MEOX2: variants seen among roughly 807,000 people sequenced by gnomAD.
MEOX2 encodes the protein mesenchyme homeobox 2.
A neutral mutation model predicts 27.0 loss-of-function variants in MEOX2; 11 were observed. The observed-to-expected ratio is 0.41, with a 90% CI of 0.26 to 0.68. The LOEUF (loss-of-function observed/expected upper bound fraction) is 0.68, where lower values mean the gene tolerates loss of function less well. Ranked by LOEUF, MEOX2 falls within the 30% of genes least tolerant of loss-of-function variation. The pLI is 0.33. For synonymous variants in MEOX2, 189 were observed against 155.4 expected (o/e 1.22, Z -1.61); for missense variants, 436 against 385.4 (o/e 1.13, Z -1.10).
intron 2 of MEOX2, among the ~76,000 whole-genome samples, chr7:15,615,858 G>A (rs1781116166): frequency 6.6e-6 from 1 of 151,914 alleles, no homozygotes; most frequent in African/African-American, 2.4e-5. Context: ...AGAAAAAGAG[G>A]AGAAATATAC....
Position 15,686,662 on chromosome 7 carries a change from G to A in MEOX2, c.-260C>T. ...TGGGAGAGGTTGAAGCCAAAAGAAG[G>A]TGGTCCCAGAGAACTGCTTTCAGGG... On this transcript the variant is annotated 5_prime_UTR_variant, in exon 1 of 3. Transcript: ENST00000262041. 2.0e-6 allele frequency: 1 copy of A among 501,348 alleles called. No homozygotes were observed. Among genetic ancestry groups the A allele is most frequent in the South Asian group, 3.5e-5 (1 of 28,852 alleles). The allele number at this position is 501,348 out of a possible 1,614,324, so 31.1% of individuals were successfully genotyped here. A position where few individuals can be genotyped will look rare whatever the true frequency, so the allele number is the denominator to read the frequency against.
intron 1 of MEOX2, among the ~76,000 whole-genome samples, chr7:15,631,260 G>T (rs1322858808): frequency 6.6e-6 from 1 of 151,636 alleles, no homozygotes; most frequent in South Asian, 2.1e-4. Flanking sequence ...TACCTGCTGA[G>T]CAGTGATTAT....
chr7:15,683,378 T>A (rs1782322862), intron 1 of MEOX2, among the ~76,000 whole-genome samples: 1 of 152,076 alleles, frequency 6.6e-6, no homozygotes, highest in Non-Finnish European at 1.5e-5. Context: ...CTATATAGGA[T>A]GACATTTTTA....
intron 1 of MEOX2, among the ~76,000 whole-genome samples, chr7:15,631,788 A>C (rs1358366889): frequency 6.6e-6 from 1 of 151,796 alleles, no homozygotes; most frequent in African/African-American, 2.4e-5. Context: ...TATAAAATCT[A>C]TATATTTTAC....
chr7:15,657,145 TTGAC>T (rs1182739317), intron 1 of MEOX2, among the ~76,000 whole-genome samples: 1 of 152,144 alleles, frequency 6.6e-6, no homozygotes, highest in Non-Finnish European at 1.5e-5. Flanking sequence ...TTTCAGAAGT[TTGAC>T]TGTGATGCGT....
intron 1 of MEOX2, among the ~76,000 whole-genome samples, chr7:15,678,593 A>G (rs1307845100): frequency 6.6e-6 from 1 of 152,232 alleles, no homozygotes; most frequent in Admixed American, 6.5e-5. Flanking sequence ...TGGGTGGCTA[A>G]GAATAACCAT....
intron 1 of MEOX2, chr7:15,680,380 C>G (rs1205385592): frequency 6.6e-6 from 1 of 151,862 alleles, no homozygotes; most frequent in African/African-American, 2.4e-5. Flanking sequence ...AAATGGGCAT[C>G]AGATTTAGAT....
At chr7:15,613,984 TC>T (rs1781077187) in intron 2 of MEOX2, among the ~76,000 whole-genome samples, 1 of 151,954 alleles carries the variant, frequency 6.6e-6, no homozygotes, top group African/African-American at 2.4e-5. Flanking sequence ...TGTTTCTTTT[TC>T]CTTTTCTTAG....
intron 1 of MEOX2, among the ~76,000 whole-genome samples, chr7:15,671,364 A>T (rs1782093952): frequency 6.6e-6 from 1 of 152,230 alleles, no homozygotes; most frequent in Admixed American, 6.5e-5. Context: ...TGGTAACCAA[A>T]CTGATCAGAT....
chr7:15,637,044 T>C (rs1295983412), intron 1 of MEOX2, among the ~76,000 whole-genome samples: 1 of 152,106 alleles, frequency 6.6e-6, no homozygotes, highest in African/African-American at 2.4e-5. Flanking sequence ...GAATTATCCA[T>C]TTATTTATGA....
chr7:15,632,281 C>A (rs574718010), intron 1 of MEOX2, among the ~76,000 whole-genome samples: 17 of 151,886 alleles, frequency 1.1e-4, no homozygotes, highest in Non-Finnish European at 2.2e-4. Context: ...GTACATAACT[C>A]ATTTTAATTC....
At chr7:15,625,884 A>G (rs1430290454) in intron 2 of MEOX2, among the ~76,000 whole-genome samples, 1 of 152,182 alleles carries the variant, frequency 6.6e-6, no homozygotes, top group East Asian at 1.9e-4. Context: ...TAAAAATATT[A>G]TTTAGGTCTC....
intron 1 of MEOX2, among the ~76,000 whole-genome samples, chr7:15,633,002 C>T (rs998373406): frequency 6.6e-6 from 1 of 151,914 alleles, no homozygotes; most frequent in African/African-American, 2.4e-5. Context: ...TAAAGCATTC[C>T]ATTCCATTTT....
chr7:15,644,732 A>G (rs1775620119), intron 1 of MEOX2, among the ~76,000 whole-genome samples: 1 of 152,218 alleles, frequency 6.6e-6, no homozygotes, highest in East Asian at 1.9e-4. Context: ...TATGCAATAT[A>G]TGAATCTTTT....
At chr7:15,630,090 ATTG>A (rs1351430186) in intron 1 of MEOX2, among the ~76,000 whole-genome samples, 2 of 152,016 alleles carry the variant, frequency 1.3e-5, no homozygotes, top group African/African-American at 2.4e-5. Flanking sequence ...AAATACTACA[ATTG>A]TTGTTTTTCG....
At chr7:15,650,382 T>C (rs1227019178) in intron 1 of MEOX2, among the ~76,000 whole-genome samples, 1 of 152,110 alleles carries the variant, frequency 6.6e-6, no homozygotes, top group Non-Finnish European at 1.5e-5. Flanking sequence ...CTAAGATTAC[T>C]GCAATAATAT....
intron 1 of MEOX2, among the ~76,000 whole-genome samples, chr7:15,634,668 C>G (rs1052324595): frequency 1.3e-5 from 2 of 151,842 alleles, no homozygotes; most frequent in East Asian, 1.9e-4. Flanking sequence ...TTATACAACT[C>G]TTTTTAGGAA....
chr7:15,648,789 G>C (rs1781689213), intron 1 of MEOX2, among the ~76,000 whole-genome samples: 1 of 152,006 alleles, frequency 6.6e-6, no homozygotes, highest in Non-Finnish European at 1.5e-5. Context: ...AGGGTTCTTT[G>C]TTTAGAACCT....
At chr7:15,617,320 G>A (rs942710586) in intron 2 of MEOX2, among the ~76,000 whole-genome samples, 2 of 151,914 alleles carry the variant, frequency 1.3e-5, no homozygotes, top group African/African-American at 4.8e-5. Flanking sequence ...ATATCTTTGA[G>A]ATGTGAAAAC....
Sources: allele counts gnomAD v4.1 joint callset (sites outside exome capture counted in the v4.1 genomes callset), GRCh38; gene constraint gnomAD v4.1.1; transcripts MANE v1.5; gene names NCBI Gene and HGNC (gene_info 2026-07-23, HGNC 2026-07-21).